Variants in RNF216 observed in about 807,000 individuals in gnomAD.
The protein encoded by RNF216 is ring finger protein 216, also known as E3 ubiquitin-protein ligase RNF216.
RNF216 carries 72 observed loss-of-function variants against 110.8 expected under a neutral mutation model. The observed-to-expected ratio is 0.65, with a 90% CI of 0.54 to 0.79. The LOEUF (loss-of-function observed/expected upper bound fraction) is 0.79, where lower values mean the gene tolerates loss of function less well. Ranked by LOEUF, RNF216 falls within the 30% of genes least tolerant of loss-of-function variation. RNF216 has a pLI of 0.00. For synonymous variants in RNF216, 495 were observed against 407.5 expected, an observed-to-expected ratio of 1.21 and a Z score of -2.59; for missense variants, 1,342 against 1,141.2, an observed-to-expected ratio of 1.18 and a Z score of -2.54.
chr7:5,758,053 G>T (rs1035186411), intron 2 of RNF216, among the ~76,000 whole-genome samples: 1 of 152,058 alleles, frequency 6.6e-6, no homozygotes. Flanking sequence ...CCTGAAAAAA[G>T]TTCTCATGAT....
intron 13 of RNF216, among the ~76,000 whole-genome samples, chr7:5,669,682 C>T (rs985514369): frequency 1.3e-5 from 2 of 152,138 alleles, no homozygotes; most frequent in Non-Finnish European, 2.9e-5. Flanking sequence ...CACTTGAGGT[C>T]AGGAGTTTTG....
At chr7:5,669,469 G>A (rs1020860555) in intron 13 of RNF216, among the ~76,000 whole-genome samples, 3 of 152,190 alleles carry the variant, frequency 2.0e-5, no homozygotes, top group African/African-American at 7.2e-5. Context: ...TGCCTCAAGT[G>A]AAAGATTATA....
chr7:5,648,986 T>C (rs949421583), intron 14 of RNF216, among the ~76,000 whole-genome samples: 29 of 152,286 alleles, frequency 1.9e-4, no homozygotes, highest in Admixed American at 1.4e-3. Context: ...TTAGTGGTCA[T>C]AAAGGTAAGT....
chr7:5,770,674 T>C (rs1388343072), intron 1 of RNF216, among the ~76,000 whole-genome samples: 1 of 151,894 alleles, frequency 6.6e-6, no homozygotes, highest in African/African-American at 2.4e-5. Context: ...AACCAAAGCA[T>C]TCATGGAGAA....
chr7:5,715,246 C>A (rs1161812547), intron 10 of RNF216, 56 bp from the exon 11 acceptor site: 2 of 1,552,372 alleles, frequency 1.3e-6, no homozygotes, highest in South Asian at 1.1e-5. Context: ...AGAGGGGGAG[C>A]CTTGTCTCCC....
intron 8 of RNF216, among the ~76,000 whole-genome samples, chr7:5,724,938 A>G (rs917839894): frequency 6.6e-6 from 1 of 152,234 alleles, no homozygotes; most frequent in Non-Finnish European, 1.5e-5. Context: ...TCTCAGTTGC[A>G]TAAGTGACCC....
intron 7 of RNF216, 93 bp downstream of exon 7, chr7:5,729,339 A>C: frequency 7.9e-7 from 1 of 1,266,000 alleles, no homozygotes; most frequent in Admixed American, 1.9e-5. Flanking sequence ...ATCATAAACC[A>C]TCCCAATTTC....
At chr7:5,717,803 G>C (rs537032293) in intron 9 of RNF216, among the ~76,000 whole-genome samples, 1 of 152,140 alleles carries the variant, frequency 6.6e-6, no homozygotes, top group Non-Finnish European at 1.5e-5. Context: ...TTATTTATGA[G>C]ACAGAGTCTC....
rs1343858721 is a variant in RNF216, at chr7:5,741,945, C to A, written c.202-130G>T. 3 of 886,078 alleles carry A rather than the reference C, an allele frequency of 3.4e-6. No homozygotes were observed. The East Asian group carries it at 7.9e-5, about 23-fold the overall frequency. 54.9% of individuals were successfully genotyped at this position (886,078 alleles called of 1,614,324 possible). On this transcript the variant is annotated intron_variant, in intron 3 of 16. Coordinates refer to ENST00000389902, the MANE Select transcript of RNF216 (RefSeq NM_207111.4). ...ACCATCTCCCTTAACAATACCTATT[C>A]TTTACATTTATCTTAACACTGAAAT... is the stretch of plus-strand genomic sequence containing the variant.
intron 14 of RNF216, among the ~76,000 whole-genome samples, chr7:5,645,739 C>T (rs1299401411): frequency 2.6e-5 from 4 of 152,040 alleles, no homozygotes; most frequent in African/African-American, 7.2e-5. Context: ...TACAGGCGCC[C>T]GCCACCACAT....
chr7:5,772,742 AT>A (rs1326324630), intron 1 of RNF216, among the ~76,000 whole-genome samples: 1 of 150,408 alleles, frequency 6.6e-6, no homozygotes, highest in Non-Finnish European at 1.5e-5. Flanking sequence ...TACAACAGAA[AT>A]TTCTAGCATT....
intron 3 of RNF216, among the ~76,000 whole-genome samples, chr7:5,747,489 A>T (rs117703598): frequency 0.019 from 2,911 of 152,352 alleles, 42 homozygotes; most frequent in Non-Finnish European, 0.03. Context: ...ACCCTTAGAA[A>T]GCCATTTCCA....
At chr7:5,700,998 G>A (rs767321399) in intron 13 of RNF216, among the ~76,000 whole-genome samples, 1 of 152,064 alleles carries the variant, frequency 6.6e-6, no homozygotes, top group African/African-American at 2.4e-5. Flanking sequence ...TGTCATCCCT[G>A]AGATTCTAAA....
At chr7:5,694,404 C>G (rs374804188) in intron 13 of RNF216, among the ~76,000 whole-genome samples, 1 of 151,762 alleles carries the variant, frequency 6.6e-6, no homozygotes, top group Non-Finnish European at 1.5e-5. Flanking sequence ...ATTCTGACCA[C>G]GAGCACTATC....
chr7:5,651,758 C>A (rs1788405419), intron 14 of RNF216, among the ~76,000 whole-genome samples: 1 of 152,060 alleles, frequency 6.6e-6, no homozygotes, highest in African/African-American at 2.4e-5. Context: ...AACTAATTAT[C>A]CTGCCTCAGC....
chr7:5,704,274 T>C (rs1269436399), intron 13 of RNF216, among the ~76,000 whole-genome samples: 1 of 152,158 alleles, frequency 6.6e-6, no homozygotes. Flanking sequence ...GAGCGACAAG[T>C]TCCTGAAAAG....
intron 13 of RNF216, among the ~76,000 whole-genome samples, chr7:5,711,175 T>C (rs1792661061): frequency 6.6e-6 from 1 of 152,248 alleles, no homozygotes; most frequent in Non-Finnish European, 1.5e-5. Context: ...TGAAAGATTT[T>C]AAGACATTCT....
chr7:5,770,392 C>T (rs1176982286), intron 1 of RNF216, among the ~76,000 whole-genome samples: 1 of 150,346 alleles, frequency 6.7e-6, no homozygotes, highest in Non-Finnish European at 1.5e-5. Context: ...ACCTGGGAGG[C>T]GGAGGTTGTG....
chr7:5,743,815 C>A (rs1480439817), intron 3 of RNF216, among the ~76,000 whole-genome samples: 3 of 152,142 alleles, frequency 2.0e-5, no homozygotes, highest in African/African-American at 7.2e-5. Flanking sequence ...GAAGTAAGGG[C>A]CAAGCTGGAA....
Sources: gnomAD v4.1 joint callset for allele counts (sites outside exome capture counted in the v4.1 genomes callset) on GRCh38, gnomAD v4.1.1 for gene constraint, MANE v1.5 for transcripts, NCBI Gene and HGNC (gene_info 2026-07-23, HGNC 2026-07-21) for gene names.